The following NAP1L4 variants were observed in gnomAD, a reference collection of about 807,000 sequenced individuals.
NAP1L4 encodes the protein nucleosome assembly protein 1 like 4.
In NAP1L4, 15 loss-of-function variants were observed where a neutral mutation model predicts 58.2. The observed-to-expected ratio is 0.26, with a 90% CI of 0.17 to 0.40. The LOEUF (loss-of-function observed/expected upper bound fraction) is 0.40. NAP1L4 is among the 10% of genes least tolerant of loss of function. NAP1L4 has a pLI of 1.00. For synonymous variants in NAP1L4, 171 were observed against 155.6 expected, an observed-to-expected ratio of 1.10 and a Z score of -0.74; for missense variants, 384 against 451.1, an observed-to-expected ratio of 0.85 and a Z score of 1.35.
rs373415985 is a variant in NAP1L4 at position 2,979,258 on chromosome 11, T to C, written c.-17-21A>G. ...ATCCCCTATAAATTAAAAAGAGTTG[T>C]AATAATTATATTCATAAGCAAAAAT... On this transcript the variant is annotated intron_variant, in intron 1 of 15. Coordinates refer to ENST00000380542, the MANE Select transcript of NAP1L4 (RefSeq NM_005969.4). The C allele has an allele frequency of 1.4e-4, 223 of 1,582,892 alleles. 1 individual carries two copies. In the African/African-American group the frequency reaches 2.8e-3, roughly 20 times the overall value.
rs561756423 is a variant in NAP1L4, at chr11:2,954,833, G to C, written c.916-187C>G. ...TAAAACAACTTTAAGTAGCTTTAAA[G>C]AGCTACTGAAGCAAAATGGCAGAGA... is the stretch of plus-strand genomic sequence containing the variant. On this transcript the variant is annotated intron_variant, in intron 11 of 15. Transcript: ENST00000380542. The surrounding 1 kb of genome is among the most constrained non-coding windows in gnomAD (Gnocchi z 4.8). The C allele has an allele frequency of 1.1e-5, 8 of 699,786 alleles. No homozygotes were observed. Among genetic ancestry groups the C allele is most frequent in the African/African-American group, 7.2e-5 (4 of 55,762 alleles). 43.3% of individuals were successfully genotyped at this position (699,786 alleles called of 1,614,324 possible).
chr11:2,954,884 T>G lies in NAP1L4; in HGVS notation c.916-238A>C, dbSNP rs1164996381. 1 of 575,644 alleles carries G rather than the reference T, an allele frequency of 1.7e-6. No homozygotes were observed. The allele number at this position is 575,644 out of a possible 1,614,324, so 35.7% of individuals were successfully genotyped here. A position where few individuals can be genotyped will look rare whatever the true frequency, so the allele number is the denominator to read the frequency against. On this transcript the variant is annotated intron_variant, in intron 11 of 15. Transcript: ENST00000380542. The surrounding 1 kb of genome is among the most constrained non-coding windows in gnomAD (Gnocchi z 4.8). Reference sequence around the variant, plus strand: ...AAGTGGGAAGTGAGGGCCCTACAGCTCCACAACTTGTCCAAAGGTCTCACC... The same window carrying G: ...AAGTGGGAAGTGAGGGCCCTACAGCGCCACAACTTGTCCAAAGGTCTCACC...
chr11:2,958,698 G>C, intron 9 of NAP1L4, 154 bp from the exon 10 acceptor site: 1 of 719,186 alleles, frequency 1.4e-6, no homozygotes, highest in Non-Finnish European at 2.2e-6. Context: ...AAGTTCATCT[G>C]GAGGTTGGCA....
intron 8 of NAP1L4, among the ~76,000 whole-genome samples, chr11:2,962,498 T>C (rs527277831): frequency 6.6e-6 from 1 of 152,350 alleles, no homozygotes; most frequent in East Asian, 1.9e-4. Context: ...GTTTCATTTA[T>C]CTTTATAACT....
chr11:2,978,350 A>G lies in NAP1L4; in HGVS notation c.15-8T>C. 5.6e-6 allele frequency: 9 copies of G among 1,613,460 alleles called. No homozygotes were observed. Among genetic ancestry groups the G allele is most frequent in the Non-Finnish European group, 7.6e-6 (9 of 1,179,546 alleles). ...GGAACCCCATCTGAAAAACTAAAAC[A>G]ACAGTATGTTTAAAAAGTATTACTG... On this transcript the variant is annotated splice_region_variant and splice_polypyrimidine_tract_variant and intron_variant, in intron 2 of 15. Coordinates refer to ENST00000380542, the MANE Select transcript of NAP1L4 (RefSeq NM_005969.4).
At chr11:2,979,528 T>C (rs7944071) in intron 1 of NAP1L4, among the ~76,000 whole-genome samples, 42,696 of 152,034 alleles carry the variant, frequency 0.28, 6,750 homozygotes, top group African/African-American at 0.42. Context: ...ATCCAAGCAC[T>C]TTGGGAGGCC....
At chr11:2,978,696 C>T (rs1301274673) in intron 2 of NAP1L4, among the ~76,000 whole-genome samples, 1 of 152,212 alleles carries the variant, frequency 6.6e-6, no homozygotes, top group East Asian at 1.9e-4. Flanking sequence ...ACTGTTTGGT[C>T]AGCTGCTCAT....
intron 8 of NAP1L4, among the ~76,000 whole-genome samples, chr11:2,963,346 C>A (rs1325580725): frequency 6.6e-6 from 1 of 152,082 alleles, no homozygotes; most frequent in African/African-American, 2.4e-5. Context: ...CTCCTGGGGG[C>A]CCTGTGATAA....
chr11:2,991,144 C>G (rs1319794941), intron 1 of NAP1L4: 1 of 456,358 alleles, frequency 2.2e-6, no homozygotes, highest in South Asian at 1.5e-5. Context: ...CACAGTCACC[C>G]AGGCAGGTGA....
At chr11:2,960,395 G>C (rs924903178) in intron 8 of NAP1L4, among the ~76,000 whole-genome samples, 2 of 152,116 alleles carry the variant, frequency 1.3e-5, no homozygotes, top group Non-Finnish European at 2.9e-5. Context: ...GAGGTGGGTG[G>C]GAGAAAAGGA....
chr11:2,985,082 T>C (rs1026225525), intron 1 of NAP1L4, among the ~76,000 whole-genome samples: 2 of 152,248 alleles, frequency 1.3e-5, no homozygotes, highest in African/African-American at 4.8e-5. Context: ...TATACAATAT[T>C]TTAAATAATT....
At chr11:2,980,639 G>C (rs1848247453) in intron 1 of NAP1L4, among the ~76,000 whole-genome samples, 1 of 152,156 alleles carries the variant, frequency 6.6e-6, no homozygotes, top group African/African-American at 2.4e-5. Flanking sequence ...CTAAACGGTT[G>C]TTCCAGCTGA....
chr11:2,972,305 CA>C (rs762681138), intron 4 of NAP1L4, 62 bp from the exon 5 acceptor site: 1 of 1,428,886 alleles, frequency 7.0e-7, no homozygotes, highest in Admixed American at 2.5e-5. Flanking sequence ...GCATGCTTTT[CA>C]ATTTTATTAA....
At chr11:2,972,055 T>C in intron 5 of NAP1L4, 47 bp downstream of exon 5, 4 of 1,479,882 alleles carry the variant, frequency 2.7e-6, no homozygotes, top group Non-Finnish European at 1.8e-6. Context: ...CCTAACACCT[T>C]CGTAAGCTGA....
rs147909871 is a variant in NAP1L4, at chr11:2,948,666, C to T, written c.*32+561G>A. On this transcript the variant is annotated intron_variant, in intron 15 of 15. Transcript: ENST00000380542. The surrounding 1 kb of genome is among the most constrained non-coding windows in gnomAD (Gnocchi z 5.1). ...ACCAACCTCACAACAGTACTTTTTACTGCTGACACCAAAACAGATGCCAGT... is the reference window on the plus strand; with the variant it reads ...ACCAACCTCACAACAGTACTTTTTATTGCTGACACCAAAACAGATGCCAGT... 2.7e-4 allele frequency among the ~76,000 whole-genome samples: 41 copies of T among 152,354 alleles called. No homozygotes were observed. The highest frequency in any genetic ancestry group is 9.9e-4 in the African/African-American group (41 of 41,580).
Position 2,949,620 on chromosome 11 carries a change from G to A in NAP1L4, c.1123-356C>T, listed in dbSNP as rs917807407. Among the ~76,000 whole-genome samples the A allele has an allele frequency of 6.6e-6, 1 of 152,170 alleles. No homozygotes were observed. Among genetic ancestry groups the A allele is most frequent in the Non-Finnish European group, 1.5e-5 (1 of 68,030 alleles). On this transcript the variant is annotated intron_variant, in intron 14 of 15. Coordinates refer to ENST00000380542, the MANE Select transcript of NAP1L4 (RefSeq NM_005969.4). This position sits in a 1 kb window ranked among gnomAD's most constrained non-coding sequence, Gnocchi z 4.0. Reference sequence around the variant, plus strand: ...TCTCTGAACTTCATTCACACCATTAGCCGGAACATGTTTTTAGTCCCTTCT... The same window carrying A: ...TCTCTGAACTTCATTCACACCATTAACCGGAACATGTTTTTAGTCCCTTCT...
intron 4 of NAP1L4, among the ~76,000 whole-genome samples, chr11:2,973,969 T>C (rs1288063462): frequency 6.6e-6 from 1 of 152,188 alleles, no homozygotes; most frequent in Non-Finnish European, 1.5e-5. Context: ...GGTTTGACCA[T>C]GTTGCCCAGG....
At chr11:2,968,163 G>A (rs956339349) in intron 7 of NAP1L4, among the ~76,000 whole-genome samples, 6 of 152,136 alleles carry the variant, frequency 3.9e-5, no homozygotes, top group African/African-American at 4.8e-5. Flanking sequence ...TGAGAAGAAC[G>A]AACTAAGAGC....
intron 2 of NAP1L4, among the ~76,000 whole-genome samples, 154 bp from the exon 3 acceptor site, chr11:2,978,496 A>T (rs1439390484): frequency 6.6e-6 from 1 of 152,216 alleles, no homozygotes; most frequent in Non-Finnish European, 1.5e-5. Context: ...ATGTTATCTC[A>T]GAGGCTGTCC....
Sources: gnomAD v4.1 joint callset for allele counts (sites outside exome capture counted in the v4.1 genomes callset) on GRCh38, gnomAD v4.1.1 for gene constraint, Gnocchi (gnomAD v3.1) non-coding constraint, MANE v1.5 for transcripts, NCBI Gene and HGNC (gene_info 2026-07-23, HGNC 2026-07-21) for gene names.